Variants in ANK3 observed in about 807,000 individuals in gnomAD.
ANK3 encodes ankyrin 3, also known as ankyrin-3.
A neutral mutation model predicts 370.9 loss-of-function variants in ANK3; 57 were observed. That is an observed-to-expected ratio of 0.15 (90% confidence interval 0.12 to 0.19). ANK3 has a LOEUF of 0.19. Among genes scored for constraint, ANK3 ranks in the 10% least tolerant of loss-of-function variants. The probability of loss-of-function intolerance (pLI) is 1.00; values close to 1 mark genes in which losing one functional copy is unlikely to be tolerated. For synonymous variants in ANK3, 1,929 were observed against 1,946.3 expected (o/e 0.99, Z 0.23); for missense variants, 4,439 against 5,302.1 (o/e 0.84, Z 5.06).
chr10:60,082,948 T>C (rs952704660), intron 33 of ANK3, among the ~76,000 whole-genome samples: 23 of 152,218 alleles, frequency 1.5e-4, no homozygotes, highest in African/African-American at 5.5e-4. Context: ...GCAGGATTGT[T>C]GTGTCTGATG....
Position 60,166,905 on chromosome 10 carries a change from A to C in ANK3, c.2479-9T>G, listed in dbSNP as rs776730612. On this transcript the variant is annotated splice_polypyrimidine_tract_variant and intron_variant, in intron 21 of 43. Coordinates refer to ENST00000280772, the MANE Select transcript of ANK3 (RefSeq NM_020987.5). ...TGCTTCTCTGTGACAGTCTAGTAAC[A>C]AAAAAGCAGTCATTTTAGTGTGAGC... 1 of 1,613,082 alleles carries C rather than the reference A, an allele frequency of 6.2e-7. No homozygotes were observed. Among genetic ancestry groups the C allele is most frequent in the Non-Finnish European group, 8.5e-7 (1 of 1,179,146 alleles).
chr10:60,217,250 G>A (rs1330882798), intron 8 of ANK3, among the ~76,000 whole-genome samples: 25 of 151,726 alleles, frequency 1.6e-4, no homozygotes, highest in Admixed American at 1.4e-3. Flanking sequence ...GGGTTTTCAC[G>A]TCTTTATCTC....
At chr10:60,568,061 C>T (rs2077505163) in intron 2 of ANK3, among the ~76,000 whole-genome samples, 3 of 152,144 alleles carry the variant, frequency 2.0e-5, no homozygotes, top group South Asian at 4.1e-4. Context: ...ACACTATGAA[C>T]ATTGTTGAAA....
At chr10:60,527,719 A>G (rs925326939) in intron 2 of ANK3, among the ~76,000 whole-genome samples, 4 of 152,186 alleles carry the variant, frequency 2.6e-5, no homozygotes, top group Non-Finnish European at 4.4e-5. Flanking sequence ...GAAAGTTACC[A>G]TCTCCTTCAG....
intron 1 of ANK3, among the ~76,000 whole-genome samples, chr10:60,681,643 A>G (rs2079196575): frequency 1.3e-5 from 2 of 152,180 alleles, no homozygotes; most frequent in South Asian, 4.1e-4. Flanking sequence ...TGCTTACACC[A>G]CCATAGTATA....
chr10:60,446,156 A>G (rs887599269), intron 2 of ANK3, among the ~76,000 whole-genome samples: 4 of 152,134 alleles, frequency 2.6e-5, no homozygotes, highest in African/African-American at 9.7e-5. Context: ...ATTTTAAGCC[A>G]TGGAGGATTT....
intron 1 of ANK3, among the ~76,000 whole-genome samples, chr10:60,655,026 CAT>C (rs1157633494): frequency 1.3e-4 from 20 of 152,230 alleles, no homozygotes; most frequent in Admixed American, 9.8e-4. Flanking sequence ...CAATTACTCA[CAT>C]GTTTGTGGTA....
chr10:60,175,342 T>C (rs1397459374), intron 18 of ANK3, among the ~76,000 whole-genome samples: 1 of 152,190 alleles, frequency 6.6e-6, no homozygotes, highest in African/African-American at 2.4e-5. Flanking sequence ...AGCATTCCCA[T>C]ACAAAATAGC....
At chr10:60,044,047 T>C (rs2076550188) in intron 42 of ANK3, 1 of 985,770 alleles carries the variant, frequency 1.0e-6, no homozygotes, top group Non-Finnish European at 1.2e-6. Context: ...GTCCTCTACA[T>C]TCTCTTTGGC....
intron 2 of ANK3, among the ~76,000 whole-genome samples, chr10:60,400,317 A>T (rs896507241): frequency 2.6e-5 from 4 of 152,200 alleles, no homozygotes; most frequent in African/African-American, 4.8e-5. Context: ...TCCTATGAAT[A>T]GGAGTTATGG....
At chr10:60,273,870 C>T (rs1353653298) in intron 4 of ANK3, among the ~76,000 whole-genome samples, 1 of 152,178 alleles carries the variant, frequency 6.6e-6, no homozygotes, top group Non-Finnish European at 1.5e-5. Context: ...TCCTTATTTG[C>T]CTTCCACCAT....
upstream of ANK3, among the ~76,000 whole-genome samples, chr10:60,392,436 G>A (rs2063130977): frequency 6.6e-6 from 1 of 152,164 alleles, no homozygotes; most frequent in Non-Finnish European, 1.5e-5. Flanking sequence ...GAGAAGTGGG[G>A]CAGATCCCTG....
At chr10:60,687,450 G>T (rs573282994) in intron 1 of ANK3, among the ~76,000 whole-genome samples, 5 of 152,080 alleles carry the variant, frequency 3.3e-5, no homozygotes, top group African/African-American at 1.2e-4. Flanking sequence ...CAAAAAAAAT[G>T]CTCGACATCA....
intron 1 of ANK3, among the ~76,000 whole-genome samples, chr10:60,299,386 A>G (rs2043212274): frequency 6.6e-6 from 1 of 152,190 alleles, no homozygotes; most frequent in Non-Finnish European, 1.5e-5. Context: ...AACCATTAGC[A>G]TGTTTGTCCA....
chr10:60,608,444 TAGTG>T (rs1341007155), intron 2 of ANK3, among the ~76,000 whole-genome samples: 4 of 152,138 alleles, frequency 2.6e-5, no homozygotes, highest in Admixed American at 6.5e-5. Context: ...ACAGACTAAG[TAGTG>T]AGTGATATGC....
At chr10:60,315,130 G>A (rs905622241) in intron 1 of ANK3, among the ~76,000 whole-genome samples, 1 of 152,112 alleles carries the variant, frequency 6.6e-6, no homozygotes, top group Non-Finnish European at 1.5e-5. Context: ...TAGGATGGTA[G>A]GGGTTAAGAG....
intron 36 of ANK3, 51 bp from the exon 37 acceptor site, chr10:60,076,499 G>T: frequency 2.0e-6 from 3 of 1,520,990 alleles, no homozygotes; most frequent in South Asian, 2.7e-5. Context: ...AACAAAAATG[G>T]TTGAGAAACA....
At chr10:60,271,057 T>TA (rs1012889045) in intron 4 of ANK3, among the ~76,000 whole-genome samples, 1 of 152,178 alleles carries the variant, frequency 6.6e-6, no homozygotes. Flanking sequence ...CTTTTCCTAC[T>TA]AAAAAAATGT....
At chr10:60,522,344 G>C (rs1441007053) in intron 2 of ANK3, among the ~76,000 whole-genome samples, 1 of 94,006 alleles carries the variant, frequency 1.1e-5, no homozygotes, top group African/African-American at 3.5e-5. Flanking sequence ...TCCATATTGA[G>C]ACTTTTTTTT....
Sources: gnomAD v4.1 joint callset for allele counts (sites outside exome capture counted in the v4.1 genomes callset) on GRCh38, gnomAD v4.1.1 for gene constraint, MANE v1.5 for transcripts, NCBI Gene and HGNC (gene_info 2026-07-23, HGNC 2026-07-21) for gene names.